The following ELAVL4 variants were observed in gnomAD, a reference collection of about 807,000 sequenced individuals.
ELAVL4 encodes the protein ELAV-like protein 4.
In ELAVL4, 1 loss-of-function variant was observed where a neutral mutation model predicts 35.6. That is an observed-to-expected ratio of 0.03 (90% CI 0.01 to 0.13). The LOEUF (loss-of-function observed/expected upper bound fraction) is 0.13. Among genes scored for constraint, ELAVL4 ranks in the 10% least tolerant of loss-of-function variants. The probability of loss-of-function intolerance (pLI) is 1.00; values close to 1 mark genes in which losing one functional copy is unlikely to be tolerated. For synonymous variants in ELAVL4, 156 were observed against 171.0 expected (o/e 0.91, Z 0.69); for missense variants, 267 against 464.9 (o/e 0.57, Z 3.91).
chr1:50,058,893 C>T (rs768902701), intron 1 of ELAVL4, among the ~76,000 whole-genome samples: 21 of 152,114 alleles, frequency 1.4e-4, no homozygotes, highest in Admixed American at 2.6e-4. Context: ...CATGAGTTAC[C>T]GCACCTGGCC....
intron 1 of ELAVL4, among the ~76,000 whole-genome samples, chr1:50,074,231 T>C (rs533823219): frequency 6.6e-6 from 1 of 152,330 alleles, no homozygotes; most frequent in Non-Finnish European, 1.5e-5. Context: ...CTTATCTCTC[T>C]GTGAGTTCCT....
chr1:50,165,832 G>GTA (rs889684566), intron 2 of ELAVL4, among the ~76,000 whole-genome samples: 19 of 150,300 alleles, frequency 1.3e-4, no homozygotes, highest in East Asian at 3.9e-4. Flanking sequence ...ATGTGTGTGT[G>GTA]TATATATATA....
chr1:50,151,842 A>G (rs1017250274), intron 2 of ELAVL4, among the ~76,000 whole-genome samples: 1 of 152,128 alleles, frequency 6.6e-6, no homozygotes, highest in Non-Finnish European at 1.5e-5. Flanking sequence ...GGGGTTGGCT[A>G]TTGTTGGAGG....
chr1:50,133,634 A>AGAAAGAAAGAAAGAAT (rs1671346805), intron 1 of ELAVL4, among the ~76,000 whole-genome samples: 1 of 149,914 alleles, frequency 6.7e-6, no homozygotes, highest in Non-Finnish European at 1.5e-5. Context: ...AAAGAAAGAA[A>AGAAAGAAAGAAAGAAT]GAAAGAAAGA....
At chr1:50,076,453 A>G (rs542570662) in intron 1 of ELAVL4, among the ~76,000 whole-genome samples, 37 of 152,314 alleles carry the variant, frequency 2.4e-4, no homozygotes, top group African/African-American at 7.2e-4. Flanking sequence ...CATAAATTAA[A>G]TGTTATCATA....
At chr1:50,057,813 G>A (rs773883074) in intron 1 of ELAVL4, among the ~76,000 whole-genome samples, 25 of 152,164 alleles carry the variant, frequency 1.6e-4, no homozygotes, top group Non-Finnish European at 3.1e-4. Flanking sequence ...TAAGCAACAC[G>A]TGACTGTACT....
At chr1:50,186,069 T>C (rs1681782354) in intron 3 of ELAVL4, among the ~76,000 whole-genome samples, 2 of 152,124 alleles carry the variant, frequency 1.3e-5, no homozygotes, top group Admixed American at 1.3e-4. Flanking sequence ...TGATAGATAT[T>C]TTAAAAGAAG....
At chr1:50,160,463 A>C (rs527684994) in intron 2 of ELAVL4, among the ~76,000 whole-genome samples, 10 of 152,222 alleles carry the variant, frequency 6.6e-5, no homozygotes, top group African/African-American at 2.4e-4. Context: ...TTTCTTTTTA[A>C]ACATTTGTTG....
At chr1:50,056,603 G>A (rs906262931) in intron 1 of ELAVL4, among the ~76,000 whole-genome samples, 3 of 152,108 alleles carry the variant, frequency 2.0e-5, no homozygotes, top group Non-Finnish European at 4.4e-5. Context: ...CTAGGTAACT[G>A]GTTTATGCAT....
chr1:50,133,645 AAGAAAG>A (rs1303607513), intron 1 of ELAVL4, among the ~76,000 whole-genome samples: 181 of 149,068 alleles, frequency 1.2e-3, no homozygotes, highest in African/African-American at 3.6e-3. Flanking sequence ...GAAAGAAAGA[AAGAAAG>A]AGAAAGAAAG....
chr1:50,184,564 C>G (rs1349457276), intron 3 of ELAVL4, among the ~76,000 whole-genome samples: 1 of 152,108 alleles, frequency 6.6e-6, no homozygotes, highest in African/African-American at 2.4e-5. Flanking sequence ...AGGTGAATGA[C>G]AAAGATGGGA....
intron 2 of ELAVL4, among the ~76,000 whole-genome samples, chr1:50,165,912 G>A (rs1677817833): frequency 1.3e-5 from 2 of 151,866 alleles, no homozygotes; most frequent in East Asian, 3.9e-4. Context: ...TGCAAGCTGA[G>A]GAGCAAGGAG....
At chr1:50,104,182 A>G (rs1232418656), upstream of ELAVL4, among the ~76,000 whole-genome samples, 1 of 152,182 alleles carries the variant, frequency 6.6e-6, no homozygotes, top group Non-Finnish European at 1.5e-5. Flanking sequence ...CCCAGTCCCC[A>G]GTATCCCCTT....
chr1:50,119,857 A>G (rs1167074575), intron 1 of ELAVL4, among the ~76,000 whole-genome samples: 2 of 151,806 alleles, frequency 1.3e-5, no homozygotes, highest in East Asian at 1.9e-4. Flanking sequence ...GATCTCTTTA[A>G]TGTAATTAGG....
chr1:50,187,779 C>T (rs969474871), intron 3 of ELAVL4, among the ~76,000 whole-genome samples: 3 of 152,040 alleles, frequency 2.0e-5, no homozygotes, highest in South Asian at 2.1e-4. Context: ...CAGATGTGAA[C>T]TCAGTAGAAG....
intron 1 of ELAVL4, among the ~76,000 whole-genome samples, chr1:50,050,714 A>C (rs1361025622): frequency 6.6e-6 from 1 of 152,100 alleles, no homozygotes; most frequent in African/African-American, 2.4e-5. Flanking sequence ...TAGTAGCTTA[A>C]AAAAAATTGA....
chr1:50,170,432 G>T (rs188811514), intron 2 of ELAVL4, among the ~76,000 whole-genome samples: 11 of 152,292 alleles, frequency 7.2e-5, no homozygotes, highest in Admixed American at 7.2e-4. Context: ...TGGGTGTGTA[G>T]TATCCCCAGA....
intron 3 of ELAVL4, among the ~76,000 whole-genome samples, chr1:50,191,368 G>T (rs1004017007): frequency 2.0e-5 from 3 of 152,066 alleles, no homozygotes; most frequent in Non-Finnish European, 4.4e-5. Context: ...TCTTAGCTTG[G>T]TGGAGAAACA....
rs913068544 is a variant in ELAVL4, at chr1:50,149,290, C to T, written c.250+4093C>T. The stretch of plus-strand genomic sequence containing the variant: ...GTGGGCGCCTGTAATCCCAGCTACT[C>T]GGGAGGCTGAGGCAGGAGAATTGCT... On this transcript the variant is annotated intron_variant, in intron 2 of 6. Transcript: ENST00000371824. Among the ~76,000 whole-genome samples the T allele has an allele frequency of 4.6e-5, 7 of 151,142 alleles. 1 individual carries two copies. Among genetic ancestry groups the T allele is most frequent in the African/African-American group, 1.7e-4 (7 of 41,110 alleles).
Sources: gnomAD v4.1 joint callset for allele counts (sites outside exome capture counted in the v4.1 genomes callset) on GRCh38, gnomAD v4.1.1 for gene constraint, MANE v1.5 for transcripts, NCBI Gene and HGNC (gene_info 2026-07-23, HGNC 2026-07-21) for gene names.